The following DDX59 variants were observed in gnomAD, a reference collection of about 807,000 sequenced individuals.
DDX59 encodes probable ATP-dependent RNA helicase DDX59.
Under a neutral mutation model 51.9 loss-of-function variants are expected in DDX59, and 30 were observed. The observed-to-expected ratio is 0.58, with a 90% CI of 0.43 to 0.78. The LOEUF is 0.78. Ranked by LOEUF, DDX59 falls within the 30% of genes least tolerant of loss-of-function variation. The pLI is 0.00. For synonymous variants in DDX59, 255 were observed against 253.3 expected, an observed-to-expected ratio of 1.01 and a Z score of -0.06; for missense variants, 672 against 730.8, an observed-to-expected ratio of 0.92 and a Z score of 0.93.
Position 200,644,261 on chromosome 1 carries a change from T to C in DDX59, c.1853A>G (p.Gln618Arg), listed in dbSNP as rs1661152017. 6.5e-7 allele frequency: 1 copy of C among 1,526,774 alleles called. No individual in the cohort carries two copies. Among genetic ancestry groups the C allele is most frequent in the Non-Finnish European group, 8.8e-7 (1 of 1,138,270 alleles). The allele number at this position is 1,526,774 out of a possible 1,614,324, so 94.6% of individuals were successfully genotyped here. The part of the protein sequence containing the change: ...IIRKHDKSNS[Q>R]K ...TTCAAGTGGCAGAGAAAATCATTTC[T>C]GAGAATTACTTTTATCATGTTTTCT... Residue 618 changes from glutamine (Q) to arginine (R), a missense_variant, in exon 8 of 8, where the codon CAG (glutamine) becomes CGG (arginine). By Grantham distance (43) the Gln-to-Arg change is conservative (BLOSUM62 1). Coordinates refer to ENST00000331314, the MANE Select transcript of DDX59 (RefSeq NM_001031725.6).
In DDX59 at chr1:200,665,736, C is replaced by G; in HGVS notation, c.804+201G>C. Among the ~76,000 whole-genome samples, 2 of 152,162 alleles carry G rather than the reference C, an allele frequency of 1.3e-5. 1 individual carries two copies. Among genetic ancestry groups the G allele is most frequent in the South Asian group, 4.1e-4 (2 of 4,822 alleles). On this transcript the variant is annotated intron_variant, in intron 2 of 7. Transcript: ENST00000331314. The stretch of plus-strand genomic sequence containing the variant: ...ATCGTCAATAAAGAGATCTCTGGTT[C>G]AATATAATACAAGAAAAATTCCCTG...
chr1:200,653,163 T>A (rs1354879507), intron 4 of DDX59, among the ~76,000 whole-genome samples: 1 of 152,216 alleles, frequency 6.6e-6, no homozygotes, highest in African/African-American at 2.4e-5. Context: ...CATGCATGCA[T>A]CAAAGACTCT....
At chr1:200,659,195 C>T (rs1662225566) in intron 3 of DDX59, 79 bp from the exon 4 acceptor site, 1 of 1,076,794 alleles carries the variant, frequency 9.3e-7, no homozygotes, top group Non-Finnish European at 1.4e-6. Flanking sequence ...GATTGAGCAA[C>T]TAATATGTAC....
At chr1:200,659,160 T>G (rs992691199) in intron 3 of DDX59, 44 bp from the exon 4 acceptor site, 1 of 1,439,312 alleles carries the variant, frequency 6.9e-7, no homozygotes, top group African/African-American at 1.4e-5. Flanking sequence ...CAGTAATAGC[T>G]ATTTTCATTC....
At chr1:200,640,981 T>C (rs1186670667), downstream of DDX59, 1 of 278,732 alleles carries the variant, frequency 3.6e-6, no homozygotes, top group Admixed American at 4.2e-5. Flanking sequence ...CTGTGTTTAC[T>C]TAATTATCCA....
chr1:200,666,387 G>T lies in DDX59; in HGVS notation c.354C>A (p.Ile118=). ...CVVCGRYGEY[I]CDKTDEDVCS... ...ACACATCTTCATCTGTCTTATCACA[G>T]ATATACTCTCCATAACGACCACAGA... Residue 118 remains isoleucine (I), a synonymous_variant, in exon 2 of 8, where the codon ATC becomes ATA. Coordinates refer to ENST00000331314, the MANE Select transcript of DDX59 (RefSeq NM_001031725.6). 1 of 1,614,170 alleles carries T rather than the reference G, an allele frequency of 6.2e-7. No homozygotes were observed. Among genetic ancestry groups the T allele is most frequent in the Non-Finnish European group, 8.5e-7 (1 of 1,180,032 alleles).
intron 3 of DDX59, among the ~76,000 whole-genome samples, chr1:200,660,583 A>C (rs1213779240): frequency 6.6e-6 from 1 of 151,846 alleles, no homozygotes; most frequent in East Asian, 1.9e-4. Context: ...TTGGTCAAAT[A>C]AATAAACAAA....
intron 3 of DDX59, among the ~76,000 whole-genome samples, chr1:200,659,914 G>A (rs1028340680): frequency 1.3e-5 from 2 of 152,084 alleles, no homozygotes; most frequent in African/African-American, 4.8e-5. Context: ...AAACTCCTGG[G>A]CTCAAGTAAT....
intron 7 of DDX59, among the ~76,000 whole-genome samples, chr1:200,647,970 T>G (rs1224480845): frequency 9.3e-6 from 1 of 107,254 alleles, no homozygotes; most frequent in Non-Finnish European, 1.8e-5. Flanking sequence ...TGAGACTGTC[T>G]CAAAAAAAAA....
intron 4 of DDX59, among the ~76,000 whole-genome samples, chr1:200,652,999 T>C (rs1220618460): frequency 6.6e-6 from 1 of 152,200 alleles, no homozygotes; most frequent in Non-Finnish European, 1.5e-5. Context: ...CCTCTCCTGA[T>C]TTTTCTCCTC....
At position 200,666,685 on chromosome 1, in the gene DDX59, C is replaced by A. The variant is rs367825955; in HGVS notation, c.56G>T (p.Ser19Ile). ...IKRNANDDGK[S>I]CVAKIIKPDP... ...TGGTTTAATTATCTTAGCCACACAA[C>A]TTTTGCCATCATCATTAGCATTCCT... The change falls in exon 2 of 8, where the codon AGT becomes ATT. Residue 19 changes from serine (S) to isoleucine (I), a missense_variant. Ser to Ile is a moderately radical substitution (Grantham distance 142). Transcript: ENST00000331314. 5.6e-6 allele frequency: 9 copies of A among 1,613,992 alleles called. No homozygotes were observed. The African/African-American group carries it at 1.1e-4, about 19-fold the overall frequency.
intron 4 of DDX59, among the ~76,000 whole-genome samples, chr1:200,658,696 C>A (rs1036753493): frequency 1.3e-5 from 2 of 152,014 alleles, no homozygotes; most frequent in African/African-American, 2.4e-5. Context: ...CAGAGCAAGA[C>A]CCTGTCTCAT....
chr1:200,654,245 C>G (rs1204104714), intron 4 of DDX59, among the ~76,000 whole-genome samples: 3 of 152,120 alleles, frequency 2.0e-5, no homozygotes, highest in African/African-American at 7.2e-5. Flanking sequence ...AATCTCATCT[C>G]TACTAAAAAT....
Position 200,664,044 on chromosome 1 carries a change from ACT to A in DDX59, c.845_846del (p.Glu282ValfsTer10), listed in dbSNP as rs1214719996. 1 of 1,614,148 alleles carries A rather than the reference ACT, an allele frequency of 6.2e-7. No homozygotes were observed. Among genetic ancestry groups the A allele is most frequent in the Non-Finnish European group, 8.5e-7 (1 of 1,180,020 alleles). The stretch of plus-strand genomic sequence containing the variant: ...GCTTGTCTCTCTATCTGAATGGCTA[ACT>A]CTCTGGTTGGTGTAAGAATGAGCGC... The part of the protein sequence containing the change: ...PSALILTPTR[E>X]LAIQIERQAK... On this transcript the variant is annotated frameshift_variant, in exon 3 of 8. Transcript: ENST00000331314. LOFTEE classifies it high-confidence loss of function.
rs1661150904 is a variant in DDX59 at position 200,644,247 on chromosome 1, G to A, written c.*7C>T. 2 of 1,514,926 alleles carry A rather than the reference G, an allele frequency of 1.3e-6. No homozygotes were observed. Among genetic ancestry groups the A allele is most frequent in the Admixed American group, 2.2e-5 (1 of 45,654 alleles). 93.8% of individuals were successfully genotyped at this position (1,514,926 alleles called of 1,614,324 possible). A position where few individuals can be genotyped will look rare whatever the true frequency, so the allele number is the denominator to read the frequency against. Reference sequence around the variant, plus strand: ...AATAAAAAAAAATATTCAAGTGGCAGAGAAAATCATTTCTGAGAATTACTT... The same window carrying A: ...AATAAAAAAAAATATTCAAGTGGCAAAGAAAATCATTTCTGAGAATTACTT... On this transcript the variant is annotated 3_prime_UTR_variant, in exon 8 of 8. Coordinates refer to ENST00000331314, the MANE Select transcript of DDX59 (RefSeq NM_001031725.6).
intron 3 of DDX59, among the ~76,000 whole-genome samples, chr1:200,663,080 T>C (rs761267624): frequency 1.3e-5 from 2 of 152,202 alleles, no homozygotes. Flanking sequence ...TATTCACCCA[T>C]AGAAGCTGTC....
chr1:200,669,280 C>G (rs1466295000), intron 1 of DDX59, among the ~76,000 whole-genome samples: 1 of 152,100 alleles, frequency 6.6e-6, no homozygotes, highest in Non-Finnish European at 1.5e-5. Context: ...ATTCCAACTT[C>G]CAGAAAAATT....
In DDX59 at chr1:200,644,645, C is replaced by T; in HGVS notation, c.1597-128G>A. The stretch of plus-strand genomic sequence containing the variant: ...GTGCAGTGGCTCACGCCTGTAACCC[C>T]AGCACTTTGGGAGCTGAGGCAGGTG... On this transcript the variant is annotated intron_variant, in intron 7 of 7. Coordinates refer to ENST00000331314, the MANE Select transcript of DDX59 (RefSeq NM_001031725.6). The T allele has an allele frequency of 4.3e-6, 5 of 1,165,950 alleles. No individual in the cohort carries two copies. The South Asian group carries it at 1.0e-4, about 24-fold the overall frequency. The allele number at this position is 1,165,950 out of a possible 1,614,324, so 72.2% of individuals were successfully genotyped here.
Position 200,666,303 on chromosome 1 carries a change from T to TAAA in DDX59, c.437_438insTTT (p.Ser146_Lys147insLeu). The TAAA allele has an allele frequency of 1.2e-6, 2 of 1,614,248 alleles. No homozygotes were observed. The highest frequency in any genetic ancestry group is 1.7e-6 in the Non-Finnish European group (2 of 1,180,040). ...CAGCCTTCTGTGGATTGCTGAGTTT[T>TAAA]GATTTCTCTTCCTTTTCCTTAACTT... On this transcript the variant is annotated inframe_insertion, in exon 2 of 8. Coordinates refer to ENST00000331314, the MANE Select transcript of DDX59 (RefSeq NM_001031725.6).
Sources: gnomAD v4.1 joint callset for allele counts (sites outside exome capture counted in the v4.1 genomes callset) on GRCh38, gnomAD v4.1.1 for gene constraint, MANE v1.5 for transcripts, NCBI Gene and HGNC (gene_info 2026-07-23, HGNC 2026-07-21) for gene names.